The following LARP6 variants were observed in gnomAD, a reference collection of about 807,000 sequenced individuals.
LARP6 encodes the protein La ribonucleoprotein 6, translational regulator, also known as la-related protein 6.
LARP6 carries 18 observed loss-of-function variants against 32.8 expected under a neutral mutation model. The ratio of observed to expected loss-of-function variants is 0.55; its 90% confidence interval spans 0.38 to 0.81. The LOEUF (loss-of-function observed/expected upper bound fraction) is 0.81. Ranked by LOEUF, LARP6 falls within the 40% of genes least tolerant of loss-of-function variation. LARP6 has a pLI of 0.00. For missense variants in LARP6, 598 were observed against 663.1 expected (o/e 0.90, Z 1.08); for synonymous variants, 289 against 267.2 (o/e 1.08, Z -0.80).
chr15:70,841,511 A>C (rs2032258020), intron 1 of LARP6, among the ~76,000 whole-genome samples: 1 of 152,166 alleles, frequency 6.6e-6, no homozygotes, highest in African/African-American at 2.4e-5. Flanking sequence ...TCTTAGGCAG[A>C]TCTCACGTTG....
At chr15:70,853,856 G>C (rs1356209962) in intron 1 of LARP6, 33 bp downstream of exon 1, 3 of 1,233,786 alleles carry the variant, frequency 2.4e-6, no homozygotes, top group Non-Finnish European at 2.0e-6. Flanking sequence ...CGCCCCCTCG[G>C]GGCCCACCTC....
rs368112911 is a variant in LARP6 at position 70,832,904 on chromosome 15, C to G, written c.624G>C (p.Arg208Ser). 15 of 1,603,940 alleles carry G rather than the reference C, an allele frequency of 9.4e-6. No homozygotes were observed. The highest frequency in any genetic ancestry group is 5.1e-5 in the Admixed American group (3 of 58,534). ...GGTGTTCCATCACCTTCTCTTGCACCCTTCCATTCTTCTGGGGGGTGGCCA... is the reference window on the plus strand; with the variant it reads ...GGTGTTCCATCACCTTCTCTTGCACGCTTCCATTCTTCTGGGGGGTGGCCA... The part of the protein sequence containing the change: ...WALATPQKNG[R>S]VQEKVMEHLL... Residue 208 changes from arginine to serine, a missense_variant, in exon 3 of 3, where the codon AGG becomes AGC. Physicochemically the swap from Arg to Ser is moderately radical, Grantham distance 110 (BLOSUM62 -1). This residue lies in a region of LARP6 where 368 missense variants were observed against 397.9 expected (regional missense o/e 0.92). Transcript: ENST00000299213.
intron 1 of LARP6, among the ~76,000 whole-genome samples, chr15:70,837,533 G>A (rs2032170275): frequency 6.6e-6 from 1 of 152,110 alleles, no homozygotes; most frequent in African/African-American, 2.4e-5. Context: ...AGACAGTATA[G>A]CAGAGTTACT....
At chr15:70,844,786 C>G (rs1399652229) in intron 1 of LARP6, among the ~76,000 whole-genome samples, 1 of 151,910 alleles carries the variant, frequency 6.6e-6, no homozygotes, top group Non-Finnish European at 1.5e-5. Context: ...GTTTTTGATC[C>G]TAGATAATTC....
rs1433841052 is a variant in LARP6 at position 70,829,537 on chromosome 15, A to C, written c.*2515T>G. 1 of 152,288 alleles carries C rather than the reference A, an allele frequency of 6.6e-6. No homozygotes were observed. The highest frequency in any genetic ancestry group is 1.5e-5 in the Non-Finnish European group (1 of 68,076). 9.4% of individuals were successfully genotyped at this position (152,288 alleles called of 1,614,324 possible). On this transcript the variant is annotated 3_prime_UTR_variant, in exon 3 of 3. Coordinates refer to ENST00000299213, the MANE Select transcript of LARP6 (RefSeq NM_018357.4). ...GCTTGCCTTTGGAGGTGATGATCAG[A>C]CAGCAGGATAAGTAGTGACTAATGC...
At chr15:70,839,181 T>C (rs1250504117) in intron 1 of LARP6, among the ~76,000 whole-genome samples, 2 of 152,166 alleles carry the variant, frequency 1.3e-5, no homozygotes, top group Non-Finnish European at 2.9e-5. Flanking sequence ...GGCTCACACC[T>C]ATAACCCAGC....
intron 1 of LARP6, chr15:70,851,933 A>T (rs1345988968): frequency 1.6e-6 from 1 of 620,164 alleles, no homozygotes; most frequent in East Asian, 3.0e-5. Flanking sequence ...ATGTAGACAC[A>T]AAATAGCCCC....
intron 1 of LARP6, among the ~76,000 whole-genome samples, 168 bp downstream of exon 1, chr15:70,853,721 C>G (rs1392470186): frequency 6.6e-6 from 1 of 152,174 alleles, no homozygotes; most frequent in African/African-American, 2.4e-5. Context: ...CGGCTGCCTC[C>G]ACGGGCCGGT....
chr15:70,847,982 C>A (rs1309551378), intron 1 of LARP6, among the ~76,000 whole-genome samples: 1 of 151,738 alleles, frequency 6.6e-6, no homozygotes, highest in African/African-American at 2.4e-5. Flanking sequence ...GGGTCCAGGT[C>A]CTGTCTGTGT....
rs1194398922 is a variant in LARP6, at chr15:70,836,156, T to C, written c.411+139A>G. On this transcript the variant is annotated intron_variant, in intron 2 of 2. Coordinates refer to ENST00000299213, the MANE Select transcript of LARP6 (RefSeq NM_018357.4). ...AATACTAAATCCCTTCTCCTAGCCA[T>C]TTTTCTCTTTTTCAGGCACAGACTT... 12 of 673,694 alleles carry C rather than the reference T, an allele frequency of 1.8e-5. 1 individual carries two copies. The Admixed American group carries it at 2.4e-4, about 14-fold the overall frequency. The allele number at this position is 673,694 out of a possible 1,614,324, so 41.7% of individuals were successfully genotyped here.
At chr15:70,844,826 T>C (rs1392694138) in intron 1 of LARP6, among the ~76,000 whole-genome samples, 1 of 152,222 alleles carries the variant, frequency 6.6e-6, no homozygotes, top group Non-Finnish European at 1.5e-5. Flanking sequence ...TCTTGTTTTG[T>C]GGATGCAGTA....
chr15:70,849,604 C>T lies in LARP6; in HGVS notation c.200+4285G>A, dbSNP rs192753598. The T allele has an allele frequency of 2.0e-5, 3 of 152,144 alleles. No individual in the cohort carries two copies. In the East Asian group the frequency reaches 5.8e-4, roughly 29 times the overall value. 9.4% of individuals were successfully genotyped at this position (152,144 alleles called of 1,614,324 possible). ...TGCCTGGAATACTAGTACCAGAAAG[C>T]AAAGAAGTGCTTAAAGACTAATGGG... On this transcript the variant is annotated intron_variant, in intron 1 of 2. Coordinates refer to ENST00000299213, the MANE Select transcript of LARP6 (RefSeq NM_018357.4).
chr15:70,840,438 G>C (rs2032231710), intron 1 of LARP6, among the ~76,000 whole-genome samples: 1 of 152,170 alleles, frequency 6.6e-6, no homozygotes, highest in Non-Finnish European at 1.5e-5. Flanking sequence ...TACTCAGGAG[G>C]CTGAGGCAAG....
rs1326799838 is a variant in LARP6 at position 70,831,669 on chromosome 15, C to T, written c.*383G>A. The T allele has an allele frequency of 6.3e-6, 1 of 158,706 alleles. No homozygotes were observed. The highest frequency in any genetic ancestry group is 2.4e-5 in the African/African-American group (1 of 41,786). The allele number at this position is 158,706 out of a possible 1,614,324, so 9.8% of individuals were successfully genotyped here. ...AGAACTTTCCTGAACTCTCAGGAAG[C>T]CCTTGCATGGCCTATCGAGGACAGC... On this transcript the variant is annotated 3_prime_UTR_variant, in exon 3 of 3. Transcript: ENST00000299213.
At chr15:70,835,171 C>T (rs908822533) in intron 2 of LARP6, among the ~76,000 whole-genome samples, 5 of 152,192 alleles carry the variant, frequency 3.3e-5, no homozygotes, top group Non-Finnish European at 1.5e-5. Context: ...TTCCCCTGTA[C>T]CTAGAAAACT....
At position 70,832,210 on chromosome 15, in the gene LARP6, C is replaced by T. The variant is rs137980277; in HGVS notation, c.1318G>A (p.Glu440Lys). 1.5e-3 allele frequency: 2,454 copies of T among 1,613,578 alleles called. 3 individuals carry two copies. The highest frequency in any genetic ancestry group is 2.0e-3 in the Non-Finnish European group (2,303 of 1,179,772). Residue 440 changes from glutamate to lysine, a missense_variant, in exon 3 of 3, where the codon GAG (glutamate) becomes AAG (lysine). Around this residue, in one of 3 missense-constraint regions of LARP6, gnomAD observed 368 missense variants for 397.9 expected, o/e 0.92. Transcript: ENST00000299213. Reference sequence around the variant, plus strand: ...GGGCTTTTCTCCTGGGTCCCCATCTCGGCTTGGCGACGCCTCCGGACCCAG... The same window carrying T: ...GGGCTTTTCTCCTGGGTCCCCATCTTGGCTTGGCGACGCCTCCGGACCCAG... ...SPWVRRRRQA[E>K]MGTQEKSPGT...
Position 70,832,630 on chromosome 15 carries a change from G to A in LARP6, c.898C>T (p.Pro300Ser). Reference sequence around the variant, plus strand: ...TCGTCATGATTTTTGTCTTTGGCAGGTTTCTTTTTGGGTGGCTTCATACCA... The same window carrying A: ...TCGTCATGATTTTTGTCTTTGGCAGATTTCTTTTTGGGTGGCTTCATACCA... ...LIGMKPPKKK[P>S]AKDKNHDEEP... Residue 300 changes from proline to serine, a missense_variant, in exon 3 of 3, where the codon CCT becomes TCT. Pro to Ser is a moderately conservative substitution (Grantham distance 74). This residue lies in a region of LARP6 where 368 missense variants were observed against 397.9 expected (regional missense o/e 0.92). Coordinates refer to ENST00000299213, the MANE Select transcript of LARP6 (RefSeq NM_018357.4). The A allele has an allele frequency of 6.2e-7, 1 of 1,608,562 alleles. No individual in the cohort carries two copies. Among genetic ancestry groups the A allele is most frequent in the Non-Finnish European group, 8.5e-7 (1 of 1,178,538 alleles).
At chr15:70,839,205 G>A (rs1400092565) in intron 1 of LARP6, among the ~76,000 whole-genome samples, 2 of 152,140 alleles carry the variant, frequency 1.3e-5, no homozygotes, top group African/African-American at 2.4e-5. Context: ...TTGGGAGGCT[G>A]AGGTGGGCGG....
chr15:70,852,187 C>T (rs934355024), intron 1 of LARP6: 2 of 415,434 alleles, frequency 4.8e-6, no homozygotes, highest in African/African-American at 4.1e-5. Context: ...TACATCTCCT[C>T]CTGCTCTGGG....
Sources: gnomAD v4.1 joint callset for allele counts (sites outside exome capture counted in the v4.1 genomes callset) on GRCh38, gnomAD v4.1.1 for gene constraint, gnomAD v4.1.1 regional missense constraint, MANE v1.5 for transcripts, NCBI Gene and HGNC (gene_info 2026-07-23, HGNC 2026-07-21) for gene names.